PRH1: variants seen among roughly 807,000 people sequenced by gnomAD.
PRH1 encodes the protein proline rich protein HaeIII subfamily 1.
In PRH1, 7 loss-of-function variants were observed where a neutral mutation model predicts 7.9. The observed-to-expected ratio is 0.89, with a 90% CI of 0.50 to 1.67. The LOEUF (loss-of-function observed/expected upper bound fraction) is 1.67. PRH1 is among the 40% of genes most tolerant of loss of function. The probability of loss-of-function intolerance (pLI) is 0.00; values close to 1 mark genes in which losing one functional copy is unlikely to be tolerated. For synonymous variants in PRH1, 45 were observed against 80.8 expected, an observed-to-expected ratio of 0.56 and a Z score of 2.38; for missense variants, 109 against 223.6, an observed-to-expected ratio of 0.49 and a Z score of 3.27.
chr12:10,996,440 G>T (rs1171610961), intron 1 of PRH1: 1 of 151,354 alleles, frequency 6.6e-6, no homozygotes, highest in African/African-American at 2.4e-5. Context: ...AAAATTAGAG[G>T]TTCAAACAAT....
At chr12:11,056,714 T>C (rs1422143934) in intron 1 of PRH1, among the ~76,000 whole-genome samples, 1 of 152,088 alleles carries the variant, frequency 6.6e-6, no homozygotes, top group Non-Finnish European at 1.5e-5. Flanking sequence ...GGTACTCAGA[T>C]GGCTGCAGCA....
intron 2 of PRH1, among the ~76,000 whole-genome samples, chr12:10,925,110 C>A (rs1950106278): frequency 6.6e-6 from 1 of 152,172 alleles, no homozygotes; most frequent in Admixed American, 6.5e-5. Context: ...AAGTGGCAAT[C>A]CACTCTGACT....
Position 11,091,607 on chromosome 12 carries a change from T to C in PRH1, n.124-44419A>G. ...AGATCCTTTACCATGGAGCTGCATC[T>C]TCTTGAGATGTTTACACAAAGAACA... On this transcript the variant is annotated intron_variant and non_coding_transcript_variant, in intron 1 of 4. Coordinates refer to the PRH1 transcript ENST00000541977. 1.5e-6 allele frequency: 2 copies of C among 1,312,508 alleles called. 1 individual carries two copies. Among genetic ancestry groups the C allele is most frequent in the Non-Finnish European group, 2.2e-6 (2 of 925,074 alleles). 81.3% of individuals were successfully genotyped at this position (1,312,508 alleles called of 1,614,324 possible). A position where few individuals can be genotyped will look rare whatever the true frequency, so the allele number is the denominator to read the frequency against.
intron 1 of PRH1, among the ~76,000 whole-genome samples, chr12:11,103,539 TG>T: frequency 1.5e-5 from 1 of 64,832 alleles, no homozygotes. Flanking sequence ...GGGCCTGTTG[TG>T]GGGTGGGGGG....
chr12:11,151,453 T>C (rs1369881456), intron 1 of PRH1, among the ~76,000 whole-genome samples: 1 of 152,192 alleles, frequency 6.6e-6, no homozygotes, highest in East Asian at 1.9e-4. Context: ...ATTCTTTTTA[T>C]TTCTTCCCTT....
rs529689343 is a variant in PRH1, at chr12:10,981,469, G to A, written c.-125-7748C>T. 8.5e-4 allele frequency among the ~76,000 whole-genome samples: 127 copies of A among 149,348 alleles called. No homozygotes were observed. The Middle Eastern group carries it at 0.018, about 21-fold the overall frequency. On this transcript the variant is annotated intron_variant, in intron 1 of 3. Transcript: ENST00000539853. ...GCTCACTGCAACCTCTGCCTCCCGG[G>A]TTCAAGTGATTCTCATGCCTCAGCC...
At chr12:11,050,902 A>T (rs1439264017), upstream of PRH1, among the ~76,000 whole-genome samples, 1 of 152,284 alleles carries the variant, frequency 6.6e-6, no homozygotes, top group Non-Finnish European at 1.5e-5. Flanking sequence ...CAGAAGAAGA[A>T]TGAGAAACTA....
chr12:10,988,861 C>T (rs1298628085), intron 1 of PRH1, among the ~76,000 whole-genome samples: 1 of 152,090 alleles, frequency 6.6e-6, no homozygotes, highest in Non-Finnish European at 1.5e-5. Context: ...GGCAGGAGTG[C>T]AGTGGCGCGA....
intron 2 of PRH1, chr12:10,931,213 A>T: frequency 6.6e-7 from 1 of 1,510,142 alleles, no homozygotes; most frequent in African/African-American, 1.4e-5. Flanking sequence ...GTTTTGTTCA[A>T]ATATTCTGGG....
intron 2 of PRH1, among the ~76,000 whole-genome samples, chr12:10,897,371 A>G (rs1949662724): frequency 6.6e-6 from 1 of 150,596 alleles, no homozygotes; most frequent in African/African-American, 2.4e-5. Flanking sequence ...GCCTTAGATA[A>G]GTTCAGCCCC....
intron 2 of PRH1, chr12:10,908,405 C>T (rs1231076143): frequency 2.5e-6 from 4 of 1,612,578 alleles, no homozygotes; most frequent in South Asian, 1.1e-5. Flanking sequence ...TAGCCCATAC[C>T]TTAGCTGCCA....
Position 11,153,392 on chromosome 12 carries a change from T to C in PRH1, n.39+18030A>G, listed in dbSNP as rs1174523586. On this transcript the variant is annotated intron_variant and non_coding_transcript_variant, in intron 1 of 1. Coordinates refer to the PRH1 transcript ENST00000541175. Reference sequence around the variant, plus strand: ...TGCAATAAATAAATCATCTTGAAAATTGTATTTACAACTTCACAACTTCCT... The same window carrying C: ...TGCAATAAATAAATCATCTTGAAAACTGTATTTACAACTTCACAACTTCCT... 2.6e-5 allele frequency among the ~76,000 whole-genome samples: 4 copies of C among 152,146 alleles called. 1 individual carries two copies. Among genetic ancestry groups the C allele is most frequent in the Admixed American group, 1.3e-4 (2 of 15,272 alleles).
downstream of PRH1, among the ~76,000 whole-genome samples, chr12:11,120,431 C>A (rs1453459527): frequency 3.3e-5 from 5 of 152,292 alleles, no homozygotes; most frequent in South Asian, 8.3e-4. Context: ...CAGATTTTCT[C>A]CTGATCTCCT....
Position 10,882,928 on chromosome 12 carries a change from C to T in PRH1, c.100+133G>A, listed in dbSNP as rs570208636. On this transcript the variant is annotated intron_variant, in intron 2 of 3. Coordinates refer to ENST00000543626, the MANE Select transcript of PRH1 (RefSeq NM_001393989.1). ...CCCCAGAATCAAGGTTGGGAGAAAA[C>T]TGTTTGTATCTTTGGGGCATTGGTA... 1.9e-4 allele frequency: 269 copies of T among 1,440,036 alleles called. 2 individuals are homozygous for T. The East Asian group carries it at 5.8e-3, about 31-fold the overall frequency. 89.2% of individuals were successfully genotyped at this position (1,440,036 alleles called of 1,614,324 possible).
chr12:11,156,519 G>A (rs1941867316), intron 1 of PRH1, among the ~76,000 whole-genome samples: 1 of 152,022 alleles, frequency 6.6e-6, no homozygotes. Flanking sequence ...TTCCCCTTTA[G>A]CCTGTATTTT....
At chr12:10,977,757 T>C (rs1011122113) in intron 1 of PRH1, among the ~76,000 whole-genome samples, 1 of 152,036 alleles carries the variant, frequency 6.6e-6, no homozygotes, top group African/African-American at 2.4e-5. Flanking sequence ...CATTCCTATA[T>C]ATCAACAACA....
exon 2 of PRH1, chr12:11,120,872 G>C (rs1346687566): frequency 6.5e-6 from 1 of 153,044 alleles, no homozygotes; most frequent in Non-Finnish European, 1.5e-5. Flanking sequence ...ACAGAGAACG[G>C]CTCATGATGG....
At chr12:11,051,391 A>G (rs548423514), upstream of PRH1, among the ~76,000 whole-genome samples, 421 of 152,330 alleles carry the variant, frequency 2.8e-3, 1 homozygote, top group Non-Finnish European at 4.4e-3. Flanking sequence ...TAATGAGCAG[A>G]GTAATAATAA....
chr12:10,957,803 T>C (rs1300876990), intron 2 of PRH1, among the ~76,000 whole-genome samples: 2 of 151,928 alleles, frequency 1.3e-5, no homozygotes, highest in African/African-American at 4.8e-5. Context: ...AACAAACATA[T>C]GAAAAAATGC....
Sources: gnomAD v4.1 joint callset for allele counts (sites outside exome capture counted in the v4.1 genomes callset) on GRCh38, gnomAD v4.1.1 for gene constraint, MANE v1.5 for transcripts, NCBI Gene and HGNC (gene_info 2026-07-23, HGNC 2026-07-21) for gene names.